The following CAMK2A variants were observed in gnomAD, a reference collection of about 807,000 sequenced individuals.
CAMK2A encodes calcium/calmodulin-dependent protein kinase type II subunit alpha.
Under a neutral mutation model 79.2 loss-of-function variants are expected in CAMK2A, and 7 were observed. That is an observed-to-expected ratio of 0.09 (90% CI 0.05 to 0.17). The LOEUF is 0.17. Ranked by LOEUF, CAMK2A falls within the 10% of genes least tolerant of loss-of-function variation. The pLI, the probability that CAMK2A is intolerant of heterozygous loss-of-function variation, is 1.00. For missense variants in CAMK2A, 214 were observed against 646.4 expected (o/e 0.33, Z 7.25); for synonymous variants, 242 against 251.7 (o/e 0.96, Z 0.36).
rs1202019049 is a variant in CAMK2A at position 150,273,154 on chromosome 5, G to C, written c.68C>G (p.Ala23Gly). The change falls in exon 2 of 19, where the codon GCC becomes GGC. Residue 23 changes from alanine (A) to glycine (G), a missense_variant. Around this residue, in one of 4 missense-constraint regions of CAMK2A, gnomAD observed 72 missense variants for 333.9 expected, o/e 0.22. Coordinates refer to ENST00000671881, the MANE Select transcript of CAMK2A (RefSeq NM_015981.4). ...YQLFEELGKG[A>G]FSVVRRCVKV... Reference sequence around the variant, plus strand: ...CACACACCTTCGCACCACCGAGAAGGCTCCCCTAGGAGGACAGAGAAGGTG... The same window carrying C: ...CACACACCTTCGCACCACCGAGAAGCCTCCCCTAGGAGGACAGAGAAGGTG... 6.2e-7 allele frequency: 1 copy of C among 1,612,850 alleles called. No individual in the cohort carries two copies. The highest frequency in any genetic ancestry group is 1.7e-5 in the Admixed American group (1 of 60,012).
chr5:150,288,475 C>T (rs867171014), intron 1 of CAMK2A, among the ~76,000 whole-genome samples: 17 of 152,226 alleles, frequency 1.1e-4, no homozygotes, highest in Middle Eastern at 6.8e-3. Context: ...GGCACACCAG[C>T]GTACCCCAGT....
chr5:150,250,833 G>A (rs1466897337), intron 9 of CAMK2A, 23 bp from the exon 10 acceptor site: 2 of 1,611,036 alleles, frequency 1.2e-6, no homozygotes, highest in African/African-American at 1.3e-5. Context: ...GAGAGGCCAG[G>A]TTTGCCCAGC....
intron 15 of CAMK2A, among the ~76,000 whole-genome samples, chr5:150,232,610 C>T (rs555311506): frequency 6.6e-6 from 1 of 152,206 alleles, no homozygotes; most frequent in Non-Finnish European, 1.5e-5. Context: ...TTAAACCTGG[C>T]CAGCTCATTG....
At chr5:150,260,011 A>G (rs571669570) in intron 3 of CAMK2A, among the ~76,000 whole-genome samples, 18 of 152,248 alleles carry the variant, frequency 1.2e-4, no homozygotes, top group Middle Eastern at 3.4e-3. Context: ...TCAAACATAC[A>G]GTTAAGTGAA....
chr5:150,261,278 T>C (rs1377308259), intron 3 of CAMK2A, among the ~76,000 whole-genome samples: 1 of 152,164 alleles, frequency 6.6e-6, no homozygotes, highest in Non-Finnish European at 1.5e-5. Context: ...TTGGCTTCAG[T>C]CCCTGAGGTC....
chr5:150,249,275 A>G (rs1391667364), intron 11 of CAMK2A, among the ~76,000 whole-genome samples: 1 of 152,220 alleles, frequency 6.6e-6, no homozygotes, highest in African/African-American at 2.4e-5. Context: ...CTGAGAGCAC[A>G]CAGAACCTGC....
chr5:150,285,385 G>GC (rs1401734129), intron 1 of CAMK2A, among the ~76,000 whole-genome samples: 1 of 152,168 alleles, frequency 6.6e-6, no homozygotes, highest in Non-Finnish European at 1.5e-5. Context: ...GAAAAGCACG[G>GC]CCCCCAGTCT....
Position 150,256,437 on chromosome 5 carries a change from A to T in CAMK2A, c.411+136T>A, listed in dbSNP as rs1029519016. On this transcript the variant is annotated intron_variant, in intron 6 of 18. Transcript: ENST00000671881. The surrounding 1 kb of genome is among the most constrained non-coding windows in gnomAD (Gnocchi z 4.6). ...CCTCATCTGAACAGTGGGGAAAATAATCTCACCCACCCCACCTTCCAGCCT... is the reference window on the plus strand; with the variant it reads ...CCTCATCTGAACAGTGGGGAAAATATTCTCACCCACCCCACCTTCCAGCCT... 5.6e-5 allele frequency: 36 copies of T among 639,638 alleles called. No individual in the cohort carries two copies. The highest frequency in any genetic ancestry group is 4.3e-4 in the Middle Eastern group (1 of 2,322). The allele number at this position is 639,638 out of a possible 1,614,324, so 39.6% of individuals were successfully genotyped here.
Position 150,289,766 on chromosome 5 carries a change from G to A in CAMK2A, c.-141C>T. 2 of 632,998 alleles carry A rather than the reference G, an allele frequency of 3.2e-6. No homozygotes were observed. Among genetic ancestry groups the A allele is most frequent in the South Asian group, 2.0e-5 (1 of 49,860 alleles). 39.2% of individuals were successfully genotyped at this position (632,998 alleles called of 1,614,324 possible). Reference sequence around the variant, plus strand: ...AGAACCGGTTTGACTGACGAGCCCGGGGCTTCTGAGCAGGGCACTGTGGCT... The same window carrying A: ...AGAACCGGTTTGACTGACGAGCCCGAGGCTTCTGAGCAGGGCACTGTGGCT... On this transcript the variant is annotated 5_prime_UTR_variant, in exon 1 of 19. Coordinates refer to ENST00000671881, the MANE Select transcript of CAMK2A (RefSeq NM_015981.4).
intron 3 of CAMK2A, among the ~76,000 whole-genome samples, chr5:150,264,051 G>A (rs1756407059): frequency 6.6e-6 from 1 of 152,186 alleles, no homozygotes; most frequent in Non-Finnish European, 1.5e-5. Flanking sequence ...AAGGCATGGT[G>A]GCTGTCAGAG....
At position 150,276,951 on chromosome 5, in the gene CAMK2A, C is replaced by T. The variant is rs796749237; in HGVS notation, c.63-3792G>A. Among the ~76,000 whole-genome samples, 82 of 152,232 alleles carry T rather than the reference C, an allele frequency of 5.4e-4. 1 individual carries two copies. Among genetic ancestry groups the T allele is most frequent in the African/African-American group, 1.8e-3 (76 of 41,530 alleles). The stretch of plus-strand genomic sequence containing the variant: ...GATCTTTAAAAAAAAAGATTCTGGC[C>T]GGGCGTGATGGCTCACGCCCGCAAT... On this transcript the variant is annotated intron_variant, in intron 1 of 18. Coordinates refer to ENST00000671881, the MANE Select transcript of CAMK2A (RefSeq NM_015981.4).
At chr5:150,253,297 G>A in intron 7 of CAMK2A, 147 bp downstream of exon 7, 2 of 653,368 alleles carry the variant, frequency 3.1e-6, no homozygotes, top group African/African-American at 1.8e-5. Flanking sequence ...TCAGAGGCTG[G>A]GTGGGACAGG....
intron 16 of CAMK2A, among the ~76,000 whole-genome samples, 183 bp downstream of exon 16, chr5:150,231,122 G>A (rs918932179): frequency 7.2e-5 from 11 of 152,118 alleles, no homozygotes; most frequent in Non-Finnish European, 1.2e-4. Context: ...GCAGTGTCGC[G>A]AACAGAAAGC....
chr5:150,273,290 G>A (rs999197587), intron 1 of CAMK2A, 131 bp from the exon 2 acceptor site: 13 of 667,242 alleles, frequency 1.9e-5, no homozygotes, highest in Middle Eastern at 5.1e-4. Context: ...GCTCACAGGG[G>A]CTTCTGTGAC....
chr5:150,259,749 A>C (rs1010074168), intron 3 of CAMK2A, among the ~76,000 whole-genome samples: 2 of 151,994 alleles, frequency 1.3e-5, no homozygotes, highest in Non-Finnish European at 2.9e-5. Context: ...TGGGCAGATC[A>C]CCTGAGGTCA....
intron 13 of CAMK2A, 64 bp downstream of exon 13, chr5:150,245,097 G>A (rs1755505658): frequency 9.1e-6 from 14 of 1,532,064 alleles, no homozygotes; most frequent in Non-Finnish European, 3.6e-6. Flanking sequence ...AGGCCTGAAA[G>A]CCGGTCTCTG....
chr5:150,277,007 A>C (rs1756977684), intron 1 of CAMK2A, among the ~76,000 whole-genome samples: 2 of 152,152 alleles, frequency 1.3e-5, no homozygotes, highest in South Asian at 4.1e-4. Context: ...AGGTGGGAGA[A>C]TCTCTTGAGC....
At chr5:150,254,266 T>G (rs1755961248) in intron 6 of CAMK2A, among the ~76,000 whole-genome samples, 1 of 152,234 alleles carries the variant, frequency 6.6e-6, no homozygotes, top group Non-Finnish European at 1.5e-5. Context: ...ATGTGCTTGT[T>G]TATCATCTGT....
intron 3 of CAMK2A, among the ~76,000 whole-genome samples, chr5:150,261,386 C>T (rs1038038016): frequency 2.6e-5 from 4 of 152,162 alleles, no homozygotes; most frequent in South Asian, 2.1e-4. Flanking sequence ...GCCTGAGGAA[C>T]GACTCAGCCA....
Sources: gnomAD v4.1 joint callset for allele counts (sites outside exome capture counted in the v4.1 genomes callset) on GRCh38, gnomAD v4.1.1 for gene constraint, gnomAD v4.1.1 regional missense constraint, Gnocchi (gnomAD v3.1) non-coding constraint, MANE v1.5 for transcripts, NCBI Gene and HGNC (gene_info 2026-07-23, HGNC 2026-07-21) for gene names.